NEGR1: variants seen among roughly 807,000 people sequenced by gnomAD.
NEGR1 encodes the protein neuronal growth regulator 1, also known as IgLON family member 4.
A neutral mutation model predicts 40.9 loss-of-function variants in NEGR1; 10 were observed. That is an observed-to-expected ratio of 0.24 (90% CI 0.15 to 0.42). The LOEUF is 0.42. Among genes scored for constraint, NEGR1 ranks in the 10% least tolerant of loss-of-function variants. The pLI is 1.00. For synonymous variants in NEGR1, 185 were observed against 166.8 expected (o/e 1.11, Z -0.84); for missense variants, 352 against 438.9 (o/e 0.80, Z 1.77).
At chr1:71,805,043 C>T (rs376563175) in intron 2 of NEGR1, among the ~76,000 whole-genome samples, 11 of 152,150 alleles carry the variant, frequency 7.2e-5, no homozygotes, top group East Asian at 5.8e-4. Flanking sequence ...CTTTTACAGT[C>T]GCAGCTGTAG....
intron 2 of NEGR1, among the ~76,000 whole-genome samples, chr1:71,909,363 T>C (rs909224932): frequency 6.6e-6 from 1 of 152,244 alleles, no homozygotes; most frequent in African/African-American, 2.4e-5. Context: ...CTGAAAATTC[T>C]ATTTTATATT....
intron 1 of NEGR1, among the ~76,000 whole-genome samples, chr1:72,170,273 A>G (rs965961832): frequency 2.6e-5 from 4 of 152,264 alleles, no homozygotes; most frequent in African/African-American, 9.6e-5. Context: ...CTTAAATATC[A>G]CTTTTTCAAT....
At chr1:71,585,061 C>A (rs1164506286) in intron 6 of NEGR1, among the ~76,000 whole-genome samples, 2 of 151,990 alleles carry the variant, frequency 1.3e-5, no homozygotes, top group African/African-American at 2.4e-5. Flanking sequence ...GCCAGCAGTG[C>A]TCTTGAGCTA....
At chr1:72,098,935 G>C (rs943472139) in intron 1 of NEGR1, among the ~76,000 whole-genome samples, 1 of 151,920 alleles carries the variant, frequency 6.6e-6, no homozygotes, top group Admixed American at 6.6e-5. Flanking sequence ...ATAAACTTTT[G>C]AGTATGATTA....
intron 3 of NEGR1, among the ~76,000 whole-genome samples, chr1:71,707,025 G>T (rs1316358537): frequency 1.3e-5 from 2 of 152,178 alleles, no homozygotes; most frequent in Non-Finnish European, 2.9e-5. Flanking sequence ...ATCAAACTCA[G>T]CTGATGCCCA....
At chr1:72,070,251 T>C (rs1449391626) in intron 1 of NEGR1, among the ~76,000 whole-genome samples, 2 of 152,010 alleles carry the variant, frequency 1.3e-5, no homozygotes, top group African/African-American at 4.8e-5. Flanking sequence ...TGCTTCAAGG[T>C]TTCTGGAGGT....
At chr1:72,090,920 G>A (rs189191287) in intron 1 of NEGR1, among the ~76,000 whole-genome samples, 25 of 152,238 alleles carry the variant, frequency 1.6e-4, no homozygotes, top group South Asian at 2.1e-4. Context: ...TAATGTCTCC[G>A]AAAACATTTC....
chr1:72,095,330 A>C (rs1238436027), intron 1 of NEGR1, among the ~76,000 whole-genome samples: 1 of 152,132 alleles, frequency 6.6e-6, no homozygotes, highest in African/African-American at 2.4e-5. Context: ...GAGTACAGTC[A>C]TATTTTCCTT....
At chr1:72,147,191 C>T (rs1032573423) in intron 1 of NEGR1, among the ~76,000 whole-genome samples, 37 of 152,014 alleles carry the variant, frequency 2.4e-4, no homozygotes, top group African/African-American at 7.0e-4. Flanking sequence ...TTTATTAGTT[C>T]GTTTTCATGC....
chr1:71,948,166 T>G (rs1646038196), intron 1 of NEGR1, among the ~76,000 whole-genome samples: 1 of 152,142 alleles, frequency 6.6e-6, no homozygotes, highest in African/African-American at 2.4e-5. Flanking sequence ...AAACAACAAC[T>G]GGAATGTAGC....
chr1:71,905,334 T>C (rs1661248195), intron 2 of NEGR1, among the ~76,000 whole-genome samples: 1 of 152,056 alleles, frequency 6.6e-6, no homozygotes, highest in African/African-American at 2.4e-5. Context: ...TTAAATGTGT[T>C]TTATTTGAAT....
chr1:71,636,144 A>G (rs1651141617), intron 4 of NEGR1, among the ~76,000 whole-genome samples: 1 of 152,106 alleles, frequency 6.6e-6, no homozygotes, highest in Non-Finnish European at 1.5e-5. Flanking sequence ...AGACCCACAA[A>G]TAACTAAACA....
chr1:72,189,246 C>A (rs528531533), intron 1 of NEGR1, among the ~76,000 whole-genome samples: 2 of 151,638 alleles, frequency 1.3e-5, no homozygotes, highest in Admixed American at 1.3e-4. Flanking sequence ...AAAAGCCAAA[C>A]AATGTAGCAA....
intron 1 of NEGR1, among the ~76,000 whole-genome samples, chr1:72,134,878 C>G (rs1650392611): frequency 6.6e-6 from 1 of 151,078 alleles, no homozygotes; most frequent in Non-Finnish European, 1.5e-5. Context: ...GCTGAGATCA[C>G]AGGCATGTTC....
chr1:71,546,529 A>G (rs1285009410), intron 6 of NEGR1, among the ~76,000 whole-genome samples: 1 of 151,754 alleles, frequency 6.6e-6, no homozygotes, highest in Non-Finnish European at 1.5e-5. Flanking sequence ...GTATGTATGC[A>G]TTGAGTACAT....
intron 1 of NEGR1, among the ~76,000 whole-genome samples, chr1:72,087,356 G>T (rs112031080): frequency 6.6e-6 from 1 of 151,860 alleles, no homozygotes; most frequent in Non-Finnish European, 1.5e-5. Flanking sequence ...GCTTGAACCC[G>T]GGAGGCGGAG....
chr1:71,832,888 A>G (rs891407081), intron 2 of NEGR1, among the ~76,000 whole-genome samples: 3 of 152,046 alleles, frequency 2.0e-5, no homozygotes, highest in Admixed American at 1.3e-4. Context: ...TTGACTGTGT[A>G]GTGTTGACTA....
intron 1 of NEGR1, among the ~76,000 whole-genome samples, chr1:72,223,678 G>A (rs1654083936): frequency 6.6e-6 from 1 of 152,036 alleles, no homozygotes; most frequent in African/African-American, 2.4e-5. Flanking sequence ...GCTAAACACT[G>A]ACCAAAATAA....
chr1:72,271,533 C>T (rs1655843217), intron 1 of NEGR1, among the ~76,000 whole-genome samples: 1 of 151,818 alleles, frequency 6.6e-6, no homozygotes, highest in Non-Finnish European at 1.5e-5. Context: ...TGGCCCCTGA[C>T]CCAATTGCAG....
Sources: gnomAD v4.1 joint callset for allele counts (sites outside exome capture counted in the v4.1 genomes callset) on GRCh38, gnomAD v4.1.1 for gene constraint, MANE v1.5 for transcripts, NCBI Gene and HGNC (gene_info 2026-07-23, HGNC 2026-07-21) for gene names.